Variants in CELSR3 observed in about 807,000 individuals in gnomAD.
The protein encoded by CELSR3 is cadherin EGF LAG seven-pass G-type receptor 3, also known as EGF-like protein 1.
CELSR3 carries 73 observed loss-of-function variants against 270.0 expected under a neutral mutation model. The observed-to-expected ratio is 0.27, with a 90% CI of 0.22 to 0.33. The LOEUF (loss-of-function observed/expected upper bound fraction) is 0.33, where lower values mean the gene tolerates loss of function less well. Among genes scored for constraint, CELSR3 ranks in the 10% least tolerant of loss-of-function variants. CELSR3 has a pLI of 1.00. For missense variants in CELSR3, 3,614 were observed against 4,533.8 expected, an observed-to-expected ratio of 0.80 and a Z score of 5.83; for synonymous variants, 1,780 against 1,905.4, an observed-to-expected ratio of 0.93 and a Z score of 1.71.
chr3:48,656,426 T>A, intron 2 of CELSR3, 61 bp from the exon 3 acceptor site: 4 of 1,350,026 alleles, frequency 3.0e-6, no homozygotes, highest in Non-Finnish European at 3.8e-6. Context: ...TCCGGCCCCT[T>A]CAAAGACCGC....
At position 48,655,118 on chromosome 3, in the gene CELSR3, G is replaced by A. The variant is rs771992915; in HGVS notation, c.4914C>T (p.Ala1638=). The change falls in exon 6 of 35, where the codon GCC becomes GCT. Residue 1638 remains alanine, a synonymous_variant. Transcript: ENST00000164024. This position sits in a 1 kb window ranked among gnomAD's most constrained non-coding sequence, Gnocchi z 5.8. The stretch of plus-strand genomic sequence containing the variant: ...TCTCAGCACCAAACTGCAGAGCCAC[G>A]GCCACATCACAATCATCCACGCTTA... ...AVLSVDDCDV[A]VALQFGAEIG... 1.4e-5 allele frequency: 22 copies of A among 1,613,804 alleles called. No homozygotes were observed. The highest frequency in any genetic ancestry group is 4.5e-5 in the East Asian group (2 of 44,890).
Position 48,644,651 on chromosome 3 carries a change from C to T in CELSR3, c.8085+65G>A, listed in dbSNP as rs1179756781. On this transcript the variant is annotated intron_variant, in intron 26 of 34. Transcript: ENST00000164024. This position sits in a 1 kb window ranked among gnomAD's most constrained non-coding sequence, Gnocchi z 4.8. ...CCACCTGACCGCCCTCAGCTGAGTCCACTGCACCTCCTCCCCCAATGAGGG... is the reference window on the plus strand; with the variant it reads ...CCACCTGACCGCCCTCAGCTGAGTCTACTGCACCTCCTCCCCCAATGAGGG... 2.0e-5 allele frequency: 27 copies of T among 1,329,602 alleles called. No individual in the cohort carries two copies. In the East Asian group the frequency reaches 6.4e-4, roughly 31 times the overall value. The allele number at this position is 1,329,602 out of a possible 1,614,324, so 82.4% of individuals were successfully genotyped here.
chr3:48,640,473 C>G lies in CELSR3; in HGVS notation c.9112G>C (p.Gly3038Arg). ...GAGGCAGCTGGCACAGCACGGTGGC[C>G]CAAGGTGGCTGCACGGCACCAGGAC... ...ELSWCRAATL[G>R]HRAVPAASYG... The change falls in exon 34 of 35, where the codon GGC becomes CGC. Residue 3038 changes from glycine to arginine, a missense_variant. By Grantham distance (125) the Gly-to-Arg change is moderately radical. Transcript: ENST00000164024. The surrounding 1 kb of genome is among the most constrained non-coding windows in gnomAD (Gnocchi z 7.5). 3.1e-6 allele frequency: 5 copies of G among 1,612,266 alleles called. No homozygotes were observed. Among genetic ancestry groups the G allele is most frequent in the Non-Finnish European group, 4.2e-6 (5 of 1,179,840 alleles).
rs762382516 is a variant in CELSR3 at position 48,661,066 on chromosome 3, C to T, written c.1569G>A (p.Gly523=). 1.2e-6 allele frequency: 2 copies of T among 1,613,690 alleles called. No individual in the cohort carries two copies. The highest frequency in any genetic ancestry group is 1.3e-5 in the African/African-American group (1 of 75,062). The change falls in exon 1 of 35, where the codon GGG becomes GGA. Residue 523 remains glycine, a synonymous_variant. Coordinates refer to ENST00000164024, the MANE Select transcript of CELSR3 (RefSeq NM_001407.3). ...GTACGCGCACAGTGGCCGAGCGCGGCCCGGGTTCCTGGCCCTGGTCGCTGG... is the reference window on the plus strand; with the variant it reads ...GTACGCGCACAGTGGCCGAGCGCGGTCCGGGTTCCTGGCCCTGGTCGCTGG... ...VEASDQGQEP[G]PRSATVRVHI...
rs2047035311 is a variant in CELSR3 at position 48,642,370 on chromosome 3, G to A, written c.8653C>T (p.His2885Tyr). Reference sequence around the variant, plus strand: ...GCCCCAACTCCACCAGCATCTCGATGGAACATGGCCACGTCCAGGTCAGTG... The same window carrying A: ...GCCCCAACTCCACCAGCATCTCGATAGAACATGGCCACGTCCAGGTCAGTG... ...GPTDLDVAMF[H>Y]RDAGADSDSD... The change falls in exon 31 of 35, where the codon CAT (histidine) becomes TAT (tyrosine). Residue 2885 changes from histidine (H) to tyrosine (Y), a missense_variant. Coordinates refer to ENST00000164024, the MANE Select transcript of CELSR3 (RefSeq NM_001407.3). This position sits in a 1 kb window ranked among gnomAD's most constrained non-coding sequence, Gnocchi z 6.1. 1 of 1,612,824 alleles carries A rather than the reference G, an allele frequency of 6.2e-7. No homozygotes were observed. Among genetic ancestry groups the A allele is most frequent in the South Asian group, 1.1e-5 (1 of 91,050 alleles).
At position 48,641,622 on chromosome 3, in the gene CELSR3, G is replaced by T; in HGVS notation, c.8825-98C>A. ...CCTTGAAACCCTGGCTGTTCTCATTGAGCAGAGGTGGGAACAGGAGGGTAT... is the reference window on the plus strand; with the variant it reads ...CCTTGAAACCCTGGCTGTTCTCATTTAGCAGAGGTGGGAACAGGAGGGTAT... On this transcript the variant is annotated intron_variant, in intron 32 of 34. Transcript: ENST00000164024. This position sits in a 1 kb window ranked among gnomAD's most constrained non-coding sequence, Gnocchi z 4.8. 1.0e-6 allele frequency: 1 copy of T among 972,390 alleles called. No individual in the cohort carries two copies. The highest frequency in any genetic ancestry group is 1.6e-6 in the Non-Finnish European group (1 of 641,082). 60.2% of individuals were successfully genotyped at this position (972,390 alleles called of 1,614,324 possible). A position where few individuals can be genotyped will look rare whatever the true frequency, so the allele number is the denominator to read the frequency against.
Position 48,645,070 on chromosome 3 carries a change from T to A in CELSR3, c.7937A>T (p.His2646Leu). Residue 2646 changes from histidine (H) to leucine (L), a missense_variant, in exon 25 of 35, where the codon CAT becomes CTT. This residue lies in a region of CELSR3 where 1,240 missense variants were observed against 1,351.7 expected (regional missense o/e 0.92). Coordinates refer to ENST00000164024, the MANE Select transcript of CELSR3 (RefSeq NM_001407.3). The surrounding 1 kb of genome is among the most constrained non-coding windows in gnomAD (Gnocchi z 5.4). ...AGCAGGGACGCCCCAGCCCAGGGCA[T>A]GGTAGAAGCGCATGGCGCCGCGGTC... Reference protein sequence around the residue: ...NVDRGAMRFYHALGWGVPAVL... With the variant: ...NVDRGAMRFYLALGWGVPAVL... 6.3e-7 allele frequency: 1 copy of A among 1,598,428 alleles called. No homozygotes were observed. Among genetic ancestry groups the A allele is most frequent in the East Asian group, 2.2e-5 (1 of 44,454 alleles).
At position 48,650,847 on chromosome 3, in the gene CELSR3, C is replaced by T. The variant is rs1379908279; in HGVS notation, c.6370+45G>A. 1 of 1,585,276 alleles carries T rather than the reference C, an allele frequency of 6.3e-7. No individual in the cohort carries two copies. On this transcript the variant is annotated intron_variant, in intron 15 of 34. Transcript: ENST00000164024. The surrounding 1 kb of genome is among the most constrained non-coding windows in gnomAD (Gnocchi z 5.1). ...GCCACTGACACGTGATGGTGGCACA[C>T]TGGAACCAGCCCTCTATGGGTGGAG...
Position 48,644,306 on chromosome 3 carries a change from G to A in CELSR3, c.8086-11C>T, listed in dbSNP as rs1373906341. On this transcript the variant is annotated splice_polypyrimidine_tract_variant and intron_variant, in intron 26 of 34. Transcript: ENST00000164024. This position sits in a 1 kb window ranked among gnomAD's most constrained non-coding sequence, Gnocchi z 4.8. ...CATGGTCCCGTTCATCTGGACCCACGGCCAGACATGTGGGGCCGGGCAGGG... is the reference window on the plus strand; with the variant it reads ...CATGGTCCCGTTCATCTGGACCCACAGCCAGACATGTGGGGCCGGGCAGGG... 5.0e-6 allele frequency: 8 copies of A among 1,612,148 alleles called. No individual in the cohort carries two copies. Among genetic ancestry groups the A allele is most frequent in the African/African-American group, 1.3e-5 (1 of 74,936 alleles).
At position 48,646,769 on chromosome 3, in the gene CELSR3, C is replaced by A. The variant is rs773343788; in HGVS notation, c.7289G>T (p.Gly2430Val). 2 of 1,608,778 alleles carry A rather than the reference C, an allele frequency of 1.2e-6. No individual in the cohort carries two copies. The highest frequency in any genetic ancestry group is 3.4e-5 in the Admixed American group (2 of 59,322). Residue 2430 changes from glycine to valine, a missense_variant, in exon 21 of 35, where the codon GGT (glycine) becomes GTT (valine). By Grantham distance (109) the Gly-to-Val change is moderately radical. This residue lies in a region of CELSR3 where 1,240 missense variants were observed against 1,351.7 expected (regional missense o/e 0.92). Coordinates refer to ENST00000164024, the MANE Select transcript of CELSR3 (RefSeq NM_001407.3). The surrounding 1 kb of genome is among the most constrained non-coding windows in gnomAD (Gnocchi z 4.8). ...LPAQFQAERR[G>V]ARLPQNPVMN... is the part of the protein sequence containing the mutation. ...GGGTGAGGGGCCTGAGTACCTGGCA[C>A]CTCGGCGTTCTGCCTGGAACTGGGC...
rs1575541535 is a variant in CELSR3 at position 48,647,974 on chromosome 3, C to T, written c.6996G>A (p.Glu2332=). ...PNIMLSIDRM[E]HPSSPRGARR... Reference sequence around the variant, plus strand: ...GGGCCCCCCGGGGAGAACTGGGGTGCTCCATGCGGTCAATGCTGAGCACTA... The same window carrying T: ...GGGCCCCCCGGGGAGAACTGGGGTGTTCCATGCGGTCAATGCTGAGCACTA... Residue 2332 remains glutamate, a synonymous_variant, in exon 20 of 35, where the codon GAG becomes GAA. Transcript: ENST00000164024. 2 of 1,612,082 alleles carry T rather than the reference C, an allele frequency of 1.2e-6. No homozygotes were observed. The highest frequency in any genetic ancestry group is 2.2e-5 in the South Asian group (2 of 91,082).
chr3:48,644,021 G>C lies in CELSR3; in HGVS notation c.8165+195C>G. Reference sequence around the variant, plus strand: ...ACCCAGAGGACAAGGAGAGACAGCAGGGCAGAAGCACATGTGGGGCTACAG... The same window carrying C: ...ACCCAGAGGACAAGGAGAGACAGCACGGCAGAAGCACATGTGGGGCTACAG... On this transcript the variant is annotated intron_variant, in intron 27 of 34. Coordinates refer to ENST00000164024, the MANE Select transcript of CELSR3 (RefSeq NM_001407.3). This position sits in a 1 kb window ranked among gnomAD's most constrained non-coding sequence, Gnocchi z 4.8. The C allele has an allele frequency of 3.3e-6, 2 of 601,662 alleles. No individual in the cohort carries two copies. Among genetic ancestry groups the C allele is most frequent in the Non-Finnish European group, 5.9e-6 (2 of 337,632 alleles). 37.3% of individuals were successfully genotyped at this position (601,662 alleles called of 1,614,324 possible). A position where few individuals can be genotyped will look rare whatever the true frequency, so the allele number is the denominator to read the frequency against.
intron 2 of CELSR3, 57 bp from the exon 3 acceptor site, chr3:48,656,422 C>T (rs1255286212): frequency 1.5e-6 from 2 of 1,366,406 alleles, no homozygotes; most frequent in Non-Finnish European, 1.9e-6. Context: ...CTGCTCCGGC[C>T]CCTTCAAAGA....
Position 48,637,513 on chromosome 3 carries a change from A to T in CELSR3, c.*692T>A, listed in dbSNP as rs2046983313. 6.6e-6 allele frequency: 1 copy of T among 152,658 alleles called. No homozygotes were observed. 9.5% of individuals were successfully genotyped at this position (152,658 alleles called of 1,614,324 possible). A position where few individuals can be genotyped will look rare whatever the true frequency, so the allele number is the denominator to read the frequency against. On this transcript the variant is annotated 3_prime_UTR_variant, in exon 35 of 35. Transcript: ENST00000164024. ...GGAGACAGGGAAGCCTTGCTCTGTAAACACGACATCAGCTGCTCCACCAGC... is the reference window on the plus strand; with the variant it reads ...GGAGACAGGGAAGCCTTGCTCTGTATACACGACATCAGCTGCTCCACCAGC...
At position 48,654,592 on chromosome 3, in the gene CELSR3, T is replaced by G. The variant is rs541550032; in HGVS notation, c.4989-140A>C. The G allele has an allele frequency of 1.1e-4, 84 of 732,104 alleles. 1 individual carries two copies. The highest frequency in any genetic ancestry group is 1.0e-3 in the South Asian group (51 of 51,210). 45.4% of individuals were successfully genotyped at this position (732,104 alleles called of 1,614,324 possible). On this transcript the variant is annotated intron_variant, in intron 6 of 34. Coordinates refer to ENST00000164024, the MANE Select transcript of CELSR3 (RefSeq NM_001407.3). This position sits in a 1 kb window ranked among gnomAD's most constrained non-coding sequence, Gnocchi z 5.4. ...AAATAAGGCCGAGCTGTGGAAGGAG[T>G]TAGGATCTTACTTCAGTTGGGGTGC...
chr3:48,648,818 A>G lies in CELSR3; in HGVS notation c.6678T>C (p.Asp2226=). The change falls in exon 18 of 35, where the codon GAT becomes GAC. Residue 2226 remains aspartate, a synonymous_variant. Coordinates refer to ENST00000164024, the MANE Select transcript of CELSR3 (RefSeq NM_001407.3). Reference sequence around the variant, plus strand: ...CCAGCAGGCGGGCAGTGACTCGAACATCTTGGCTAAAATAGTGGTCAGTGT... The same window carrying G: ...CCAGCAGGCGGGCAGTGACTCGAACGTCTTGGCTAAAATAGTGGTCAGTGT... ...TGHTDHYFSQ[D]VRVTARLLAH... The G allele has an allele frequency of 1.2e-6, 2 of 1,612,972 alleles. No homozygotes were observed. The highest frequency in any genetic ancestry group is 1.7e-6 in the Non-Finnish European group (2 of 1,180,012).
In CELSR3 at chr3:48,654,488, G is replaced by A. The variant is rs934866185; in HGVS notation, c.4989-36C>T. 2 of 1,536,094 alleles carry A rather than the reference G, an allele frequency of 1.3e-6. No homozygotes were observed. The highest frequency in any genetic ancestry group is 1.8e-6 in the Non-Finnish European group (2 of 1,139,074). On this transcript the variant is annotated intron_variant, in intron 6 of 34. Coordinates refer to ENST00000164024, the MANE Select transcript of CELSR3 (RefSeq NM_001407.3). The surrounding 1 kb of genome is among the most constrained non-coding windows in gnomAD (Gnocchi z 5.4). ...GGGGTCTGGGTCATTGGTGGGACTG[G>A]GGCCAGAGTAGAGTTGCTCCTGGGG...
chr3:48,645,640 C>T lies in CELSR3; in HGVS notation c.7600G>A (p.Gly2534Ser). The stretch of plus-strand genomic sequence containing the variant: ...AACACAGCCAGCAGCTCCAGGTCGC[C>T]CTCCAGCCTCTACAGAGACAGGGAT... ...MDASPRERLE[G>S]DLELLAVFTH... The change falls in exon 24 of 35, where the codon GGC becomes AGC. Residue 2534 changes from glycine (G) to serine (S), a missense_variant. Physicochemically the swap from Gly to Ser is moderately conservative, Grantham distance 56 (BLOSUM62 0). Transcript: ENST00000164024. The surrounding 1 kb of genome is among the most constrained non-coding windows in gnomAD (Gnocchi z 5.4). 1.2e-6 allele frequency: 2 copies of T among 1,609,148 alleles called. No homozygotes were observed. Among genetic ancestry groups the T allele is most frequent in the Non-Finnish European group, 8.5e-7 (1 of 1,176,952 alleles).
In CELSR3 at chr3:48,654,341, A is replaced by G. The variant is rs1169306997; in HGVS notation, c.5100T>C (p.Asp1700=). 1.9e-6 allele frequency: 3 copies of G among 1,614,062 alleles called. No individual in the cohort carries two copies. Among genetic ancestry groups the G allele is most frequent in the East Asian group, 2.2e-5 (1 of 44,882 alleles). The change falls in exon 7 of 35, where the codon GAT becomes GAC. Residue 1700 remains aspartate (D), a synonymous_variant. Transcript: ENST00000164024. The surrounding 1 kb of genome is among the most constrained non-coding windows in gnomAD (Gnocchi z 5.4). ...AAGCCGCCATGTCCACTCGGCGGCC[A>G]TCAATGTGCAGGTCCCGCATACAGC... ...FIGCMRDLHI[D]GRRVDMAAFV...
Sources: gnomAD v4.1 joint callset for allele counts on GRCh38, gnomAD v4.1.1 for gene constraint, gnomAD v4.1.1 regional missense constraint, Gnocchi (gnomAD v3.1) non-coding constraint, MANE v1.5 for transcripts, NCBI Gene and HGNC (gene_info 2026-07-23, HGNC 2026-07-21) for gene names.